The following PAX1 variants were observed in gnomAD, a reference collection of about 807,000 sequenced individuals.
PAX1 encodes the protein paired box 1, also known as paired box protein Pax-1.
In PAX1, 18 loss-of-function variants were observed where a neutral mutation model predicts 35.6. The observed-to-expected ratio is 0.50, with a 90% CI of 0.35 to 0.75. The LOEUF (loss-of-function observed/expected upper bound fraction) is 0.75. PAX1 is among the 30% of genes least tolerant of loss of function. The pLI, the probability that PAX1 is intolerant of heterozygous loss-of-function variation, is 0.01. For synonymous variants in PAX1, 397 were observed against 305.2 expected, an observed-to-expected ratio of 1.30 and a Z score of -3.14; for missense variants, 760 against 661.5, an observed-to-expected ratio of 1.15 and a Z score of -1.63.
chr20:21,714,567 A>G lies in PAX1; in HGVS notation c.*5A>G, dbSNP rs1051352943. The G allele has an allele frequency of 1.3e-6, 2 of 1,584,890 alleles. No individual in the cohort carries two copies. Among genetic ancestry groups the G allele is most frequent in the African/African-American group, 2.7e-5 (2 of 74,432 alleles). On this transcript the variant is annotated 3_prime_UTR_variant, in exon 5 of 5. Transcript: ENST00000613128. ...ATCCCGGCCTCGACCTCCTAGGGGC[A>G]GCTCTCCCCGGACCCGAGCCCGGAG...
rs1265983571 is a variant in PAX1 at position 21,714,571 on chromosome 20, C to G, written c.*9C>G. ...CGGCCTCGACCTCCTAGGGGCAGCT[C>G]TCCCCGGACCCGAGCCCGGAGGGAA... On this transcript the variant is annotated 3_prime_UTR_variant, in exon 5 of 5. Coordinates refer to ENST00000613128, the MANE Select transcript of PAX1 (RefSeq NM_001257096.2). The G allele has an allele frequency of 2.5e-6, 4 of 1,582,848 alleles. No homozygotes were observed. The highest frequency in any genetic ancestry group is 3.4e-6 in the Non-Finnish European group (4 of 1,165,636).
chr20:21,714,931 T>C lies in PAX1; in HGVS notation c.*369T>C, dbSNP rs1985320445. 1 of 795,150 alleles carries C rather than the reference T, an allele frequency of 1.3e-6. No individual in the cohort carries two copies. The allele number at this position is 795,150 out of a possible 1,614,324, so 49.3% of individuals were successfully genotyped here. ...TCTCTCCCTGTTTCCTTCCCCCCTC[T>C]TTCTTTCTCACTCTCCCTCCCTTCC... On this transcript the variant is annotated 3_prime_UTR_variant, in exon 5 of 5. Transcript: ENST00000613128.
Position 21,706,328 on chromosome 20 carries a change from AC to A in PAX1, c.287-108del. 7.0e-7 allele frequency: 1 copy of A among 1,429,106 alleles called. No individual in the cohort carries two copies. The highest frequency in any genetic ancestry group is 9.7e-7 in the Non-Finnish European group (1 of 1,025,716). The allele number at this position is 1,429,106 out of a possible 1,614,324, so 88.5% of individuals were successfully genotyped here. On this transcript the variant is annotated intron_variant, in intron 1 of 4. Coordinates refer to ENST00000613128, the MANE Select transcript of PAX1 (RefSeq NM_001257096.2). The surrounding 1 kb of genome is among the most constrained non-coding windows in gnomAD (Gnocchi z 5.3). ...CGAGCTGTCTGGGGACCCACAGGTCACCTTTGGAAGTGCGCCTGGGTGCAGT... is the reference window on the plus strand; with the variant it reads ...CGAGCTGTCTGGGGACCCACAGGTCACTTTGGAAGTGCGCCTGGGTGCAGT...
chr20:21,713,143 G>T (rs1372465383), intron 4 of PAX1, among the ~76,000 whole-genome samples: 2 of 152,110 alleles, frequency 1.3e-5, no homozygotes, highest in African/African-American at 4.8e-5. Context: ...TTGTCTCTAA[G>T]GTAACCGTCC....
At chr20:21,712,559 C>G (rs182171183) in intron 4 of PAX1, among the ~76,000 whole-genome samples, 1 of 152,208 alleles carries the variant, frequency 6.6e-6, no homozygotes, top group East Asian at 1.9e-4. Flanking sequence ...TTCAGAGACC[C>G]TCGAAACCTC....
intron 4 of PAX1, among the ~76,000 whole-genome samples, chr20:21,712,781 C>A (rs1037232071): frequency 6.6e-5 from 10 of 152,210 alleles, no homozygotes; most frequent in African/African-American, 2.4e-4. Context: ...CTGGCATTGT[C>A]GCACCCGGAC....
chr20:21,711,764 A>G (rs1452598596), intron 4 of PAX1, among the ~76,000 whole-genome samples: 2 of 152,226 alleles, frequency 1.3e-5, no homozygotes, highest in Non-Finnish European at 1.5e-5. Context: ...AGAATTACAT[A>G]CATGCTTGGG....
chr20:21,705,710 C>T lies in PAX1; in HGVS notation c.-3C>T. On this transcript the variant is annotated 5_prime_UTR_variant, in exon 1 of 5. Transcript: ENST00000613128. ...CCCGGTCAGACGAATTTCTCCCAAT[C>T]GGATGAAGTTCACCCTGGGCCTGGG... 8.0e-7 allele frequency: 1 copy of T among 1,242,776 alleles called. No homozygotes were observed. Among genetic ancestry groups the T allele is most frequent in the Non-Finnish European group, 1.0e-6 (1 of 985,556 alleles). 77.0% of individuals were successfully genotyped at this position (1,242,776 alleles called of 1,614,324 possible).
In PAX1 at chr20:21,705,750, G is replaced by A. The variant is rs915525988; in HGVS notation, c.38G>A (p.Arg13Lys). 2.4e-6 allele frequency: 3 copies of A among 1,257,140 alleles called. No individual in the cohort carries two copies. The highest frequency in any genetic ancestry group is 1.6e-5 in the African/African-American group (1 of 64,240). The allele number at this position is 1,257,140 out of a possible 1,614,324, so 77.9% of individuals were successfully genotyped here. ...CTGGGCCTGGGGTCGCGGGCGTGGA[G>A]AGTGTCCTGGGAGGGGGCAGCAGCG... ...FTLGLGSRAW[R>K]VSWEGAAAAA... Residue 13 changes from arginine (R) to lysine (K), a missense_variant, in exon 1 of 5, where the codon AGA (arginine) becomes AAA (lysine). By Grantham distance (26) the Arg-to-Lys change is conservative. Coordinates refer to ENST00000613128, the MANE Select transcript of PAX1 (RefSeq NM_001257096.2).
chr20:21,715,666 TG>T lies in PAX1; in HGVS notation c.*1105del, dbSNP rs1471102467. The T allele has an allele frequency of 6.6e-6, 1 of 152,184 alleles. No homozygotes were observed. Among genetic ancestry groups the T allele is most frequent in the East Asian group, 1.9e-4 (1 of 5,192 alleles). 9.4% of individuals were successfully genotyped at this position (152,184 alleles called of 1,614,324 possible). ...TGGTAAACACATCAGCACTTTTTGG[TG>T]TTCAGGGGTCAGCACATTTGTTAAT... is the stretch of plus-strand genomic sequence containing the variant. On this transcript the variant is annotated 3_prime_UTR_variant, in exon 5 of 5. Coordinates refer to ENST00000613128, the MANE Select transcript of PAX1 (RefSeq NM_001257096.2).
chr20:21,705,956 G>C lies in PAX1; in HGVS notation c.244G>C (p.Gly82Arg), dbSNP rs891558932. The C allele has an allele frequency of 6.1e-5, 90 of 1,486,142 alleles. No homozygotes were observed. The highest frequency in any genetic ancestry group is 6.7e-5 in the Non-Finnish European group (76 of 1,127,078). 92.1% of individuals were successfully genotyped at this position (1,486,142 alleles called of 1,614,324 possible). ...DCAGPSPGHPGHPGARQLAGP... is the reference protein window; with the variant it reads ...DCAGPSPGHPRHPGARQLAGP... ...CGCCGGGCCCAGCCCCGGCCACCCC[G>C]GCCACCCCGGCGCCAGGCAGCTGGC... The change falls in exon 1 of 5, where the codon GGC becomes CGC. Residue 82 changes from glycine (G) to arginine (R), a missense_variant. This residue lies in a region of PAX1 where 222 missense variants were observed against 153.0 expected (regional missense o/e 1.45). Transcript: ENST00000613128.
chr20:21,709,307 C>G lies in PAX1; in HGVS notation c.1145C>G (p.Pro382Arg), dbSNP rs541086527. The G allele has an allele frequency of 6.2e-6, 10 of 1,601,598 alleles. 1 individual carries two copies. The highest frequency in any genetic ancestry group is 5.0e-5 in the Admixed American group (3 of 59,886). The change falls in exon 4 of 5, where the codon CCG (proline) becomes CGG (arginine). Residue 382 changes from proline to arginine, a missense_variant. Pro to Arg is a moderately radical substitution (Grantham distance 103). This residue lies in a region of PAX1 where 490 missense variants were observed against 428.4 expected (regional missense o/e 1.14). Transcript: ENST00000613128. Reference protein sequence around the residue: ...ASNQHGVYSAPGGGYLAPGPP... With the variant: ...ASNQHGVYSARGGGYLAPGPP... ...AACCAGCACGGCGTGTACAGCGCCC[C>G]GGGCGGCGGCTACCTCGCCCCGGGC...
intron 2 of PAX1, 94 bp from the exon 3 acceptor site, chr20:21,708,464 G>A (rs1373427947): frequency 1.1e-5 from 16 of 1,461,554 alleles, no homozygotes; most frequent in Admixed American, 1.7e-5. Context: ...TGGGACCCCT[G>A]GCCGTGTCTT....
intron 4 of PAX1, among the ~76,000 whole-genome samples, chr20:21,713,571 GA>G (rs1389343806): frequency 6.6e-6 from 1 of 152,106 alleles, no homozygotes; most frequent in Non-Finnish European, 1.5e-5. Flanking sequence ...GGGGAAAAAA[GA>G]AAATTGAAAA....
Position 21,717,073 on chromosome 20 carries a change from C to G in PAX1, c.*2511C>G, listed in dbSNP as rs1299301120. ...TGCGCCCCAGGGTGGATGCAAAGCA[C>G]CTGTGTTTTAAGTGCCACCTGCAAA... On this transcript the variant is annotated 3_prime_UTR_variant, in exon 5 of 5. Transcript: ENST00000613128. 1.3e-5 allele frequency: 2 copies of G among 152,220 alleles called. No individual in the cohort carries two copies. The highest frequency in any genetic ancestry group is 2.9e-5 in the Non-Finnish European group (2 of 68,070). The allele number at this position is 152,220 out of a possible 1,614,324, so 9.4% of individuals were successfully genotyped here. A position where few individuals can be genotyped will look rare whatever the true frequency, so the allele number is the denominator to read the frequency against.
chr20:21,716,810 T>C lies in PAX1; in HGVS notation c.*2248T>C, dbSNP rs1985385476. 6.6e-6 allele frequency: 1 copy of C among 152,266 alleles called. No homozygotes were observed. The highest frequency in any genetic ancestry group is 1.5e-5 in the Non-Finnish European group (1 of 68,066). The allele number at this position is 152,266 out of a possible 1,614,324, so 9.4% of individuals were successfully genotyped here. A position where few individuals can be genotyped will look rare whatever the true frequency, so the allele number is the denominator to read the frequency against. On this transcript the variant is annotated 3_prime_UTR_variant, in exon 5 of 5. Transcript: ENST00000613128. ...CTCAGCCTGTCTCCTTGTGCTTAGA[T>C]GAGCATTGCATGCTCAGTGGTGACA...
rs1327125559 is a variant in PAX1 at position 21,715,372 on chromosome 20, T to G, written c.*810T>G. 2 of 154,402 alleles carry G rather than the reference T, an allele frequency of 1.3e-5. No individual in the cohort carries two copies. Among genetic ancestry groups the G allele is most frequent in the African/African-American group, 4.8e-5 (2 of 41,412 alleles). 9.6% of individuals were successfully genotyped at this position (154,402 alleles called of 1,614,324 possible). On this transcript the variant is annotated 3_prime_UTR_variant, in exon 5 of 5. Coordinates refer to ENST00000613128, the MANE Select transcript of PAX1 (RefSeq NM_001257096.2). ...CACAGCCTTTATTTTGTATTTTTTT[T>G]GTAATAACAAACCCTAAAAAACCCT... is the stretch of plus-strand genomic sequence containing the variant.
At chr20:21,708,445 C>A in intron 2 of PAX1, 113 bp from the exon 3 acceptor site, 1 of 1,267,172 alleles carries the variant, frequency 7.9e-7, no homozygotes, top group South Asian at 1.2e-5. Flanking sequence ...AGGCCACCTA[C>A]AAATTTTGTG....
rs1480079368 is a variant in PAX1, at chr20:21,708,625, C to T, written c.984C>T (p.Arg328=). Residue 328 remains arginine, a synonymous_variant, in exon 3 of 5, where the codon CGC becomes CGT. Coordinates refer to ENST00000613128, the MANE Select transcript of PAX1 (RefSeq NM_001257096.2). ...PKMEDWAGVN[R]TAFPATPAVN... ...TGGAAGACTGGGCCGGCGTGAACCG[C>T]ACGGCCTTCCCCGCCACCCCCGCAG... The T allele has an allele frequency of 1.5e-5, 25 of 1,613,468 alleles. No individual in the cohort carries two copies. The highest frequency in any genetic ancestry group is 2.1e-5 in the Non-Finnish European group (25 of 1,179,868).
Sources: gnomAD v4.1 joint callset for allele counts (sites outside exome capture counted in the v4.1 genomes callset) on GRCh38, gnomAD v4.1.1 for gene constraint, gnomAD v4.1.1 regional missense constraint, Gnocchi (gnomAD v3.1) non-coding constraint, MANE v1.5 for transcripts, NCBI Gene and HGNC (gene_info 2026-07-23, HGNC 2026-07-21) for gene names.